The following SLC9C1 variants were observed in gnomAD, a reference collection of about 807,000 sequenced individuals.
The protein encoded by SLC9C1 is solute carrier family 9 member C1.
Under a neutral mutation model 140.9 loss-of-function variants are expected in SLC9C1, and 97 were observed. That is an observed-to-expected ratio of 0.69 (90% CI 0.58 to 0.82). The LOEUF is 0.82. Among genes scored for constraint, SLC9C1 ranks in the 40% least tolerant of loss-of-function variants. SLC9C1 has a pLI of 0.00. For missense variants in SLC9C1, 1,340 were observed against 1,389.3 expected (o/e 0.96, Z 0.56); for synonymous variants, 440 against 442.6 (o/e 0.99, Z 0.07).
At chr3:112,191,214 G>T (rs1315566283) in intron 20 of SLC9C1, among the ~76,000 whole-genome samples, 1 of 152,040 alleles carries the variant, frequency 6.6e-6, no homozygotes, top group Non-Finnish European at 1.5e-5. Context: ...ATGCCTAACT[G>T]CTGTGGTCAG....
At chr3:112,226,882 G>A (rs1309757776) in intron 13 of SLC9C1, among the ~76,000 whole-genome samples, 1 of 151,856 alleles carries the variant, frequency 6.6e-6, no homozygotes, top group African/African-American at 2.4e-5. Context: ...TAATATAAAA[G>A]ATCAGAAAAA....
chr3:112,147,753 T>A (rs989598696), intron 28 of SLC9C1, among the ~76,000 whole-genome samples: 1 of 152,188 alleles, frequency 6.6e-6, no homozygotes, highest in African/African-American at 2.4e-5. Context: ...TGACTATATG[T>A]GTTGGGGACG....
At chr3:112,142,944 A>G (rs2074675360) in intron 28 of SLC9C1, among the ~76,000 whole-genome samples, 1 of 151,886 alleles carries the variant, frequency 6.6e-6, no homozygotes, top group East Asian at 1.9e-4. Flanking sequence ...ATCCATGAGT[A>G]CCCAATGTTT....
chr3:112,289,918 C>T (rs963083560), intron 1 of SLC9C1, among the ~76,000 whole-genome samples: 3 of 152,114 alleles, frequency 2.0e-5, no homozygotes, highest in African/African-American at 7.2e-5. Flanking sequence ...TTAGAAAATA[C>T]TGATGCCTTG....
chr3:112,240,484 T>C (rs576088863), intron 11 of SLC9C1, among the ~76,000 whole-genome samples: 1 of 152,368 alleles, frequency 6.6e-6, no homozygotes, highest in Non-Finnish European at 1.5e-5. Flanking sequence ...CTGAGTAAAG[T>C]ACATTGTCTT....
rs74284569 is a variant in SLC9C1, at chr3:112,254,202, A to G, written c.1197+8722T>C. 9.0e-3 allele frequency among the ~76,000 whole-genome samples: 1,367 copies of G among 152,308 alleles called. 38 individuals are homozygous for G. The highest frequency in any genetic ancestry group is 0.086 in the East Asian group (444 of 5,184). On this transcript the variant is annotated intron_variant, in intron 10 of 28. Transcript: ENST00000305815. ...TTCATGAAACTTCTCCAAACTTGCT[A>G]GAGAGGCCAACAGTCAAATTCAGGA...
intron 11 of SLC9C1, among the ~76,000 whole-genome samples, chr3:112,240,775 T>G (rs2079118410): frequency 6.6e-6 from 1 of 152,240 alleles, no homozygotes; most frequent in African/African-American, 2.4e-5. Context: ...TGAGCTATCT[T>G]TTTGTTCTAG....
At chr3:112,241,582 G>A (rs2079140645) in intron 11 of SLC9C1, among the ~76,000 whole-genome samples, 1 of 152,044 alleles carries the variant, frequency 6.6e-6, no homozygotes. Context: ...TTTTTCACAG[G>A]ATTAGAGAAA....
At chr3:112,160,041 A>G (rs1027069308) in intron 26 of SLC9C1, among the ~76,000 whole-genome samples, 9 of 151,676 alleles carry the variant, frequency 5.9e-5, no homozygotes, top group African/African-American at 2.2e-4. Context: ...TTTTAATTGG[A>G]GAATGTAGTC....
intron 23 of SLC9C1, among the ~76,000 whole-genome samples, chr3:112,176,465 G>A (rs919296488): frequency 6.6e-6 from 1 of 152,126 alleles, no homozygotes; most frequent in Non-Finnish European, 1.5e-5. Flanking sequence ...CTCCAGAATC[G>A]ATTTTTAACA....
chr3:112,173,624 A>G (rs1208011240), intron 23 of SLC9C1, among the ~76,000 whole-genome samples: 2 of 152,130 alleles, frequency 1.3e-5, no homozygotes, highest in African/African-American at 2.4e-5. Context: ...ATTCTTTTCT[A>G]TGGCTGCATA....
At chr3:112,250,304 G>A (rs2079416981) in intron 10 of SLC9C1, among the ~76,000 whole-genome samples, 1 of 151,570 alleles carries the variant, frequency 6.6e-6, no homozygotes, top group Non-Finnish European at 1.5e-5. Flanking sequence ...TCTTAATCCA[G>A]TCTATCATTG....
intron 1 of SLC9C1, among the ~76,000 whole-genome samples, chr3:112,290,442 T>C (rs916492909): frequency 6.6e-6 from 1 of 152,222 alleles, no homozygotes; most frequent in African/African-American, 2.4e-5. Flanking sequence ...TTTCAGTTCT[T>C]TTGCATTTGC....
chr3:112,248,603 C>G lies in SLC9C1; in HGVS notation c.1198-4527G>C, dbSNP rs149158142. On this transcript the variant is annotated intron_variant, in intron 10 of 28. Coordinates refer to ENST00000305815, the MANE Select transcript of SLC9C1 (RefSeq NM_183061.3). Reference sequence around the variant, plus strand: ...GAATTTCATGATTTCGCTAAATTCACTTATTAGTTCTACTGGTTATTTAGT... The same window carrying G: ...GAATTTCATGATTTCGCTAAATTCAGTTATTAGTTCTACTGGTTATTTAGT... Among the ~76,000 whole-genome samples the G allele has an allele frequency of 5.7e-3, 864 of 152,136 alleles. 5 individuals are homozygous for G. The highest frequency in any genetic ancestry group is 0.019 in the African/African-American group (804 of 41,524).
chr3:112,219,810 AC>A (rs1237487457), intron 14 of SLC9C1, among the ~76,000 whole-genome samples: 3 of 151,976 alleles, frequency 2.0e-5, no homozygotes, highest in Non-Finnish European at 4.4e-5. Context: ...CGAACTCCTG[AC>A]CTCAAGTGAT....
intron 10 of SLC9C1, among the ~76,000 whole-genome samples, chr3:112,255,723 C>G (rs1290553157): frequency 2.0e-5 from 3 of 151,970 alleles, no homozygotes; most frequent in African/African-American, 7.3e-5. Flanking sequence ...AAGAAATAAC[C>G]AAAATCAGAG....
intron 24 of SLC9C1, 31 bp downstream of exon 24, chr3:112,169,166 A>G: frequency 6.2e-7 from 1 of 1,600,900 alleles, no homozygotes; most frequent in East Asian, 2.2e-5. Context: ...ATTCAAAGAA[A>G]GAAAGACAAG....
chr3:112,280,270 ACAGTCTT>A (rs1228753433), intron 3 of SLC9C1, among the ~76,000 whole-genome samples: 1 of 152,224 alleles, frequency 6.6e-6, no homozygotes, highest in Non-Finnish European at 1.5e-5. Context: ...ACCCTTTAAA[ACAGTCTT>A]CATTGAGGAA....
Position 112,204,202 on chromosome 3 carries a change from T to G in SLC9C1, c.2172+16A>C. The G allele has an allele frequency of 6.9e-7, 1 of 1,453,810 alleles. No homozygotes were observed. 90.1% of individuals were successfully genotyped at this position (1,453,810 alleles called of 1,614,324 possible). A position where few individuals can be genotyped will look rare whatever the true frequency, so the allele number is the denominator to read the frequency against. ...TCAGTAGGAATTAGAAATTGCACGA[T>G]TTACTGGTTCTTTACCTTGAAAATG... On this transcript the variant is annotated intron_variant, in intron 17 of 28. Coordinates refer to ENST00000305815, the MANE Select transcript of SLC9C1 (RefSeq NM_183061.3).
Sources: gnomAD v4.1 joint callset for allele counts (sites outside exome capture counted in the v4.1 genomes callset) on GRCh38, gnomAD v4.1.1 for gene constraint, MANE v1.5 for transcripts, NCBI Gene and HGNC (gene_info 2026-07-23, HGNC 2026-07-21) for gene names.